ALDH3B1: variants seen among roughly 807,000 people sequenced by gnomAD.
The protein encoded by ALDH3B1 is aldehyde dehydrogenase 3 family member B1, also known as aldehyde dehydrogenase family 3 member B1.
ALDH3B1 carries 37 observed loss-of-function variants against 46.2 expected under a neutral mutation model. That is an observed-to-expected ratio of 0.80 (90% CI 0.62 to 1.05). The LOEUF is 1.05. Ranked by LOEUF, ALDH3B1 falls within the 50% of genes least tolerant of loss-of-function variation. ALDH3B1 has a pLI of 0.00. For missense variants in ALDH3B1, 603 were observed against 665.5 expected (o/e 0.91, Z 1.03); for synonymous variants, 283 against 281.0 (o/e 1.01, Z -0.07).
rs368275772 is a variant in ALDH3B1, at chr11:68,027,877, C to T, written c.1345C>T (p.Arg449Cys). ...CCTCCGCTACCCGCCGCAATCGCCG[C>T]GCCGCCTGAGGATGCTGCTGGTGGC... ...NALRYPPQSP[R>C]RLRMLLVAME... Residue 449 changes from arginine (R) to cysteine (C), a missense_variant, in exon 10 of 10, where the codon CGC becomes TGC. Transcript: ENST00000342456. The T allele has an allele frequency of 1.3e-5, 21 of 1,563,568 alleles. No individual in the cohort carries two copies. The highest frequency in any genetic ancestry group is 9.5e-5 in the African/African-American group (7 of 73,732).
chr11:68,023,392 C>T (rs910327801), intron 8 of ALDH3B1, among the ~76,000 whole-genome samples: 4 of 151,522 alleles, frequency 2.6e-5, no homozygotes, highest in African/African-American at 9.7e-5. Flanking sequence ...CAACCTCTGC[C>T]TCCCGGGTTC....
intron 7 of ALDH3B1, 84 bp from the exon 8 acceptor site, chr11:68,022,511 T>C (rs1857523784): frequency 2.0e-6 from 3 of 1,513,616 alleles, no homozygotes; most frequent in Non-Finnish European, 2.7e-6. Flanking sequence ...AGCCCTGGCC[T>C]GTGGCCCTGT....
At chr11:68,026,242 C>G in intron 9 of ALDH3B1, 134 bp downstream of exon 9, 1 of 707,634 alleles carries the variant, frequency 1.4e-6, no homozygotes, top group Non-Finnish European at 2.2e-6. Context: ...CACCCCAGAA[C>G]CCGCATCCTG....
At position 68,021,835 on chromosome 11, in the gene ALDH3B1, A is replaced by G. The variant is rs1474848557; in HGVS notation, c.913A>G (p.Ile305Val). 1.2e-6 allele frequency: 2 copies of G among 1,613,460 alleles called. No homozygotes were observed. Among genetic ancestry groups the G allele is most frequent in the African/African-American group, 1.3e-5 (1 of 75,044 alleles). Residue 305 changes from isoleucine to valine, a missense_variant, in exon 7 of 10, where the codon ATT becomes GTT. Coordinates refer to ENST00000342456, the MANE Select transcript of ALDH3B1 (RefSeq NM_000694.4). ...RALLGCGRVA[I>V]GGQSDESDRY... Reference sequence around the variant, plus strand: ...ATTGCTGGGCTGCGGCCGTGTGGCCATTGGGGGCCAGAGCGATGAGAGCGA... The same window carrying G: ...ATTGCTGGGCTGCGGCCGTGTGGCCGTTGGGGGCCAGAGCGATGAGAGCGA...
rs1373297434 is a variant in ALDH3B1, at chr11:68,021,345, G to C, written c.563-140G>C. 2.4e-5 allele frequency: 31 copies of C among 1,291,540 alleles called. No homozygotes were observed. The South Asian group carries it at 4.3e-4, about 18-fold the overall frequency. 80.0% of individuals were successfully genotyped at this position (1,291,540 alleles called of 1,614,324 possible). On this transcript the variant is annotated intron_variant, in intron 6 of 9. Transcript: ENST00000342456. ...CAGGGCCCTGGGCTGCAGGGTGGCA[G>C]TGAGGAACAAGGAAAGGCCAGGCGA...
At chr11:68,012,426 T>A (rs1857253492) in intron 1 of ALDH3B1, among the ~76,000 whole-genome samples, 1 of 152,138 alleles carries the variant, frequency 6.6e-6, no homozygotes, top group South Asian at 2.1e-4. Flanking sequence ...GCTATCTTCA[T>A]CACCAAATGA....
intron 4 of ALDH3B1, 136 bp downstream of exon 4, chr11:68,019,029 G>A (rs1857423244): frequency 6.9e-7 from 1 of 1,454,804 alleles, no homozygotes; most frequent in South Asian, 1.3e-5. Context: ...CCCGGGCTGT[G>A]TGGCCCTGGG....
chr11:68,018,441 G>A, intron 2 of ALDH3B1, 86 bp from the exon 3 acceptor site: 1 of 995,050 alleles, frequency 1.0e-6, no homozygotes, highest in Non-Finnish European at 1.5e-6. Context: ...AATGAGTTGT[G>A]GAAGCAGGCC....
At chr11:68,013,648 G>C (rs1184627336) in intron 1 of ALDH3B1, among the ~76,000 whole-genome samples, 3 of 152,212 alleles carry the variant, frequency 2.0e-5, no homozygotes, top group African/African-American at 7.2e-5. Context: ...ATGACACCAG[G>C]TGCCATTAGC....
Position 68,022,578 on chromosome 11 carries a change from G to C in ALDH3B1, c.950-17G>C. The C allele has an allele frequency of 6.2e-7, 1 of 1,612,604 alleles. No individual in the cohort carries two copies. Among genetic ancestry groups the C allele is most frequent in the Non-Finnish European group, 8.5e-7 (1 of 1,179,636 alleles). On this transcript the variant is annotated splice_polypyrimidine_tract_variant and intron_variant, in intron 7 of 9. Transcript: ENST00000342456. ...CTGACTGTGGCCCCAGGGCTGAGCTGTCTCTGGTGCCTGCAGCCCCCACGG... is the reference window on the plus strand; with the variant it reads ...CTGACTGTGGCCCCAGGGCTGAGCTCTCTCTGGTGCCTGCAGCCCCCACGG...
Sources: gnomAD v4.1 joint callset for allele counts (sites outside exome capture counted in the v4.1 genomes callset) on GRCh38, gnomAD v4.1.1 for gene constraint, MANE v1.5 for transcripts, NCBI Gene and HGNC (gene_info 2026-07-23, HGNC 2026-07-21) for gene names.